MACROD2: variants seen among roughly 807,000 people sequenced by gnomAD.
MACROD2 encodes the protein mono-ADP ribosylhydrolase 2.
MACROD2 carries 36 observed loss-of-function variants against 70.4 expected under a neutral mutation model. The ratio of observed to expected loss-of-function variants is 0.51; its 90% CI spans 0.39 to 0.68. The LOEUF is 0.68. Ranked by LOEUF, MACROD2 falls within the 30% of genes least tolerant of loss-of-function variation. The probability of loss-of-function intolerance (pLI) is 0.00; values close to 1 mark genes in which losing one functional copy is unlikely to be tolerated. For synonymous variants in MACROD2, 172 were observed against 178.8 expected (o/e 0.96, Z 0.30); for missense variants, 496 against 538.4 (o/e 0.92, Z 0.78).
chr20:14,785,497 CT>C (rs201813439), intron 5 of MACROD2, among the ~76,000 whole-genome samples: 3,911 of 152,088 alleles, frequency 0.026, 187 homozygotes, highest in African/African-American at 0.089. Context: ...CCCTGGGGGA[CT>C]TGGAGTCAAG....
At chr20:15,161,734 G>GT (rs2076349750) in intron 5 of MACROD2, among the ~76,000 whole-genome samples, 2 of 151,974 alleles carry the variant, frequency 1.3e-5, no homozygotes, top group Admixed American at 1.3e-4. Context: ...ATCCAGTTTA[G>GT]AATGCTTGTC....
chr20:15,442,161 A>G (rs2046504081), intron 7 of MACROD2, among the ~76,000 whole-genome samples: 1 of 152,180 alleles, frequency 6.6e-6, no homozygotes, highest in Admixed American at 6.5e-5. Flanking sequence ...AAAGAACTTC[A>G]AAAATAATTT....
chr20:14,160,807 A>G lies in MACROD2; in HGVS notation c.271+75079A>G, dbSNP rs575794037. On this transcript the variant is annotated intron_variant, in intron 3 of 17. Coordinates refer to ENST00000684519, the MANE Select transcript of MACROD2 (RefSeq NM_001351661.2). ...TTAGTTCCTTCAGGTGTATTTTCAG[A>G]TTATGTATTTGAAATCTTTATACTT... is the stretch of plus-strand genomic sequence containing the variant. Among the ~76,000 whole-genome samples the G allele has an allele frequency of 5.8e-4, 87 of 151,012 alleles. 1 individual carries two copies. Among genetic ancestry groups the G allele is most frequent in the African/African-American group, 2.0e-3 (83 of 41,104 alleles).
chr20:14,512,547 C>T (rs115205811), intron 4 of MACROD2, among the ~76,000 whole-genome samples: 3 of 152,088 alleles, frequency 2.0e-5, no homozygotes, highest in Non-Finnish European at 4.4e-5. Context: ...AATGAATGGA[C>T]ACTTATGAAT....
intron 10 of MACROD2, among the ~76,000 whole-genome samples, chr20:15,886,461 C>T (rs1173522709): frequency 2.0e-5 from 3 of 152,120 alleles, no homozygotes; most frequent in Non-Finnish European, 4.4e-5. Context: ...TGCCAAAATT[C>T]AAGAGGAAAT....
chr20:15,785,224 ACTGAACAAGAGCCACTAAAAG>A (rs1430239288), intron 8 of MACROD2, among the ~76,000 whole-genome samples: 1 of 152,130 alleles, frequency 6.6e-6, no homozygotes, highest in Admixed American at 6.5e-5. Flanking sequence ...CCTCTCTCTA[ACTGAACAAGAGCCACTAAAAG>A]CAGTTAGAAC....
intron 5 of MACROD2, among the ~76,000 whole-genome samples, chr20:14,824,611 C>T (rs1294525836): frequency 6.6e-6 from 1 of 152,032 alleles, no homozygotes; most frequent in Non-Finnish European, 1.5e-5. Flanking sequence ...CTAGGCTGAG[C>T]TTTTCACAGA....
chr20:14,774,675 T>C (rs886838851), intron 5 of MACROD2, among the ~76,000 whole-genome samples: 2 of 152,102 alleles, frequency 1.3e-5, no homozygotes, highest in African/African-American at 4.8e-5. Flanking sequence ...AGACTGTTAA[T>C]ACTTAAGAGT....
At chr20:15,331,824 A>G (rs1042391786) in intron 6 of MACROD2, among the ~76,000 whole-genome samples, 2 of 151,674 alleles carry the variant, frequency 1.3e-5, no homozygotes, top group Non-Finnish European at 1.5e-5. Flanking sequence ...ACATGCACAC[A>G]CACATAAAAC....
chr20:15,923,747 C>T (rs2065447691), intron 10 of MACROD2, among the ~76,000 whole-genome samples: 1 of 152,216 alleles, frequency 6.6e-6, no homozygotes, highest in African/African-American at 2.4e-5. Context: ...ACAAGAGCTT[C>T]CTGTGCCTAA....
chr20:14,734,101 T>A (rs1351300857), intron 5 of MACROD2, among the ~76,000 whole-genome samples: 1 of 152,122 alleles, frequency 6.6e-6, no homozygotes, highest in African/African-American at 2.4e-5. Flanking sequence ...TTCTGACACA[T>A]CTTCTTAAAA....
chr20:15,652,737 T>TA (rs977270292), intron 8 of MACROD2, among the ~76,000 whole-genome samples: 4 of 152,122 alleles, frequency 2.6e-5, no homozygotes, highest in African/African-American at 4.8e-5. Flanking sequence ...TTTTTTTTTT[T>TA]ACATAGTTGC....
intron 6 of MACROD2, among the ~76,000 whole-genome samples, chr20:15,288,407 A>C (rs1405249130): frequency 6.6e-6 from 1 of 152,166 alleles, no homozygotes; most frequent in Non-Finnish European, 1.5e-5. Flanking sequence ...TCTCAAATTG[A>C]CTGGACTAAG....
chr20:15,116,774 G>GT (rs1262996179), intron 5 of MACROD2, among the ~76,000 whole-genome samples: 1 of 152,122 alleles, frequency 6.6e-6, no homozygotes, highest in Admixed American at 6.5e-5. Flanking sequence ...TTAATTGAAA[G>GT]TTTATGTTAT....
At chr20:15,967,897 G>T (rs1280081545) in intron 13 of MACROD2, among the ~76,000 whole-genome samples, 1 of 151,812 alleles carries the variant, frequency 6.6e-6, no homozygotes, top group African/African-American at 2.4e-5. Flanking sequence ...ATAAGCACTG[G>T]GTTTGCAAAC....
At chr20:15,288,104 G>A (rs1224868010) in intron 6 of MACROD2, among the ~76,000 whole-genome samples, 2 of 152,178 alleles carry the variant, frequency 1.3e-5, no homozygotes, top group East Asian at 1.9e-4. Flanking sequence ...TATCAGTCAA[G>A]GCTTTTTCTG....
chr20:15,853,665 T>A (rs78850240), intron 8 of MACROD2, among the ~76,000 whole-genome samples: 1,643 of 152,252 alleles, frequency 0.011, 20 homozygotes, highest in East Asian at 0.079. Flanking sequence ...ATCCTGCAAC[T>A]GCAAGGAACT....
At chr20:15,025,377 G>A (rs146846278) in intron 5 of MACROD2, among the ~76,000 whole-genome samples, 81 of 151,776 alleles carry the variant, frequency 5.3e-4, no homozygotes, top group African/African-American at 1.5e-3. Context: ...GTCTCCTCAA[G>A]TTCCTTGGCC....
At chr20:15,885,301 C>T (rs912530229) in intron 9 of MACROD2, among the ~76,000 whole-genome samples, 3 of 152,084 alleles carry the variant, frequency 2.0e-5, no homozygotes, top group Non-Finnish European at 2.9e-5. Flanking sequence ...TGCAGCAAAG[C>T]AGCACTTTCC....
Sources: allele counts gnomAD v4.1 joint callset (sites outside exome capture counted in the v4.1 genomes callset), GRCh38; gene constraint gnomAD v4.1.1; transcripts MANE v1.5; gene names NCBI Gene and HGNC (gene_info 2026-07-23, HGNC 2026-07-21).